The following MDGA2 variants were observed in gnomAD, a reference collection of about 807,000 sequenced individuals.
MDGA2 encodes the protein MAM domain-containing glycosylphosphatidylinositol anchor protein 2.
A neutral mutation model predicts 117.8 loss-of-function variants in MDGA2; 40 were observed. The observed-to-expected ratio is 0.34, with a 90% confidence interval of 0.26 to 0.44. The LOEUF is 0.44. MDGA2 is among the 20% of genes least tolerant of loss of function. The probability of loss-of-function intolerance (pLI) is 1.00; values close to 1 mark genes in which losing one functional copy is unlikely to be tolerated. For missense variants in MDGA2, 1,123 were observed against 1,250.6 expected (o/e 0.90, Z 1.54); for synonymous variants, 452 against 439.0 (o/e 1.03, Z -0.37).
intron 3 of MDGA2, among the ~76,000 whole-genome samples, chr14:47,199,625 C>T (rs1334618068): frequency 6.6e-6 from 1 of 152,042 alleles, no homozygotes; most frequent in Admixed American, 6.6e-5. Flanking sequence ...TAAGATACTA[C>T]ATTGATATCA....
intron 8 of MDGA2, among the ~76,000 whole-genome samples, chr14:47,013,493 TA>T (rs1339981020): frequency 2.6e-5 from 4 of 152,030 alleles, no homozygotes; most frequent in African/African-American, 9.6e-5. Context: ...CCCTCCTCCA[TA>T]AGGGTTGAAA....
intron 5 of MDGA2, among the ~76,000 whole-genome samples, chr14:47,104,736 C>A (rs1418317550): frequency 9.2e-5 from 14 of 152,182 alleles, no homozygotes; most frequent in Non-Finnish European, 1.6e-4. Flanking sequence ...CCCCTGTCCT[C>A]CTGCTCTTTG....
chr14:46,891,578 TAAGTA>T (rs200327994), intron 10 of MDGA2, among the ~76,000 whole-genome samples: 1,711 of 151,522 alleles, frequency 0.011, 42 homozygotes, highest in African/African-American at 0.039. Flanking sequence ...TAATCGTGAT[TAAGTA>T]AATTATATTG....
intron 14 of MDGA2, among the ~76,000 whole-genome samples, chr14:46,865,027 A>G (rs1056419266): frequency 6.6e-6 from 1 of 152,048 alleles, no homozygotes; most frequent in African/African-American, 2.4e-5. Flanking sequence ...GGGAAAAAAA[A>G]TCCCAATATG....
At chr14:47,620,536 C>T (rs140927330) in intron 1 of MDGA2, among the ~76,000 whole-genome samples, 2 of 152,294 alleles carry the variant, frequency 1.3e-5, no homozygotes, top group African/African-American at 4.8e-5. Context: ...TCTTCAAATA[C>T]TGATGAGAGG....
At chr14:47,401,098 G>A (rs1402015347) in intron 1 of MDGA2, among the ~76,000 whole-genome samples, 2 of 151,462 alleles carry the variant, frequency 1.3e-5, no homozygotes, top group African/African-American at 2.4e-5. Context: ...TGTTCTGGGT[G>A]CTTCATTTGT....
intron 1 of MDGA2, among the ~76,000 whole-genome samples, chr14:47,482,905 A>G (rs1233038484): frequency 1.1e-5 from 1 of 88,850 alleles, no homozygotes; most frequent in Non-Finnish European, 2.7e-5. Flanking sequence ...GGAGTAATGA[A>G]AAAAAAAAAA....
At chr14:47,267,288 C>T (rs1044249228) in intron 2 of MDGA2, among the ~76,000 whole-genome samples, 7 of 151,184 alleles carry the variant, frequency 4.6e-5, no homozygotes, top group East Asian at 1.9e-4. Flanking sequence ...TGAAAAAAAA[C>T]AGTCTTTAAA....
chr14:47,153,798 A>T (rs1038533530), intron 3 of MDGA2, among the ~76,000 whole-genome samples: 3 of 152,126 alleles, frequency 2.0e-5, no homozygotes, highest in African/African-American at 7.2e-5. Context: ...AGTCAAAACA[A>T]ATCAATAGTA....
At chr14:47,237,552 C>A (rs918334194) in intron 2 of MDGA2, among the ~76,000 whole-genome samples, 1 of 152,152 alleles carries the variant, frequency 6.6e-6, no homozygotes, top group Admixed American at 6.6e-5. Flanking sequence ...CACAGATTGT[C>A]ACTTAGCTGC....
At chr14:46,965,525 T>C (rs1179013919) in intron 8 of MDGA2, among the ~76,000 whole-genome samples, 1 of 152,190 alleles carries the variant, frequency 6.6e-6, no homozygotes, top group Non-Finnish European at 1.5e-5. Flanking sequence ...CACACTACTT[T>C]GATTCCAGGG....
chr14:47,627,589 C>T (rs952582949), intron 1 of MDGA2, among the ~76,000 whole-genome samples: 3 of 152,168 alleles, frequency 2.0e-5, no homozygotes, highest in African/African-American at 7.2e-5. Context: ...CACCAATCAG[C>T]ACCCTGTCAA....
chr14:47,121,104 G>A (rs111263847), intron 5 of MDGA2, among the ~76,000 whole-genome samples: 19 of 152,210 alleles, frequency 1.2e-4, no homozygotes, highest in African/African-American at 4.6e-4. Context: ...ATTTATAACT[G>A]AGCCAAAGGA....
intron 2 of MDGA2, among the ~76,000 whole-genome samples, chr14:47,295,980 A>AGATAGATAGATAGATG (rs58307199): frequency 1.1e-4 from 17 of 148,784 alleles, no homozygotes; most frequent in Non-Finnish European, 2.2e-4. Context: ...ATAGATAGAT[A>AGATAGATAGATAGATG]TAGTAAAGCT....
intron 1 of MDGA2, among the ~76,000 whole-genome samples, chr14:47,374,451 T>G (rs976657625): frequency 1.3e-5 from 2 of 152,142 alleles, no homozygotes; most frequent in Admixed American, 6.6e-5. Flanking sequence ...ATCTCAATTT[T>G]AAATCTAGGC....
chr14:47,248,939 C>G (rs555841713), intron 2 of MDGA2, among the ~76,000 whole-genome samples: 1 of 151,302 alleles, frequency 6.6e-6, no homozygotes, highest in Non-Finnish European at 1.5e-5. Flanking sequence ...CCTTCCCTCC[C>G]TTCCTCCCTC....
chr14:46,891,689 A>AT (rs1437544154), intron 10 of MDGA2, among the ~76,000 whole-genome samples: 1 of 151,554 alleles, frequency 6.6e-6, no homozygotes, highest in East Asian at 1.9e-4. Flanking sequence ...ACATTAAATA[A>AT]TTTTTTGTTT....
intron 2 of MDGA2, among the ~76,000 whole-genome samples, chr14:47,280,119 A>G (rs1888429175): frequency 6.6e-6 from 1 of 151,908 alleles, no homozygotes. Context: ...ATTCAAGACT[A>G]GCCTGACCAA....
At chr14:47,314,723 T>G (rs1889752723) in intron 1 of MDGA2, among the ~76,000 whole-genome samples, 1 of 151,892 alleles carries the variant, frequency 6.6e-6, no homozygotes, top group Non-Finnish European at 1.5e-5. Context: ...GGAAAAGATA[T>G]GAACAAGTAT....
Sources: allele counts gnomAD v4.1 joint callset (sites outside exome capture counted in the v4.1 genomes callset), GRCh38; gene constraint gnomAD v4.1.1; transcripts MANE v1.5; gene names NCBI Gene and HGNC (gene_info 2026-07-23, HGNC 2026-07-21).